DCBLD2: variants seen among roughly 807,000 people sequenced by gnomAD.
DCBLD2 encodes the protein discoidin, CUB and LCCL domain containing 2.
In DCBLD2, 54 loss-of-function variants were observed where a neutral mutation model predicts 86.8. The ratio of observed to expected loss-of-function variants is 0.62; its 90% CI spans 0.50 to 0.78. DCBLD2 has a LOEUF of 0.78. Among genes scored for constraint, DCBLD2 ranks in the 30% least tolerant of loss-of-function variants. The pLI is 0.00. For synonymous variants in DCBLD2, 354 were observed against 341.3 expected, an observed-to-expected ratio of 1.04 and a Z score of -0.41; for missense variants, 908 against 954.2, an observed-to-expected ratio of 0.95 and a Z score of 0.64.
At chr3:98,889,878 G>A (rs1021530098) in intron 1 of DCBLD2, among the ~76,000 whole-genome samples, 2 of 152,010 alleles carry the variant, frequency 1.3e-5, no homozygotes, top group South Asian at 4.1e-4. Flanking sequence ...TGGGGCCTTG[G>A]ATCTGCAGTT....
At chr3:98,859,190 C>A (rs1180192190) in intron 2 of DCBLD2, among the ~76,000 whole-genome samples, 3 of 152,138 alleles carry the variant, frequency 2.0e-5, no homozygotes, top group Non-Finnish European at 4.4e-5. Flanking sequence ...GGGAGCCCAC[C>A]ATTGCTGAGG....
At chr3:98,867,753 T>C (rs1943180574) in intron 2 of DCBLD2, among the ~76,000 whole-genome samples, 1 of 151,840 alleles carries the variant, frequency 6.6e-6, no homozygotes, top group East Asian at 1.9e-4. Flanking sequence ...AAGGGAATCA[T>C]GGAAAAGCAT....
At chr3:98,819,566 G>T in intron 7 of DCBLD2, 149 bp from the exon 8 acceptor site, 1 of 770,018 alleles carries the variant, frequency 1.3e-6, no homozygotes. Context: ...AACTAGGCAA[G>T]TGTTTCTTGG....
chr3:98,842,910 C>T (rs889060989), intron 3 of DCBLD2, among the ~76,000 whole-genome samples: 1 of 152,106 alleles, frequency 6.6e-6, no homozygotes, highest in Admixed American at 6.5e-5. Context: ...CACTGTACAG[C>T]ACAGGACAGC....
At position 98,819,281 on chromosome 3, in the gene DCBLD2, A is replaced by T; in HGVS notation, c.1008T>A (p.Pro336=). 6.2e-7 allele frequency: 1 copy of T among 1,613,424 alleles called. No individual in the cohort carries two copies. The highest frequency in any genetic ancestry group is 8.5e-7 in the Non-Finnish European group (1 of 1,179,656). ...TGGCAAAAGCAGCCCAAGGCGGTCCAGGTTTTTTCAGCCTGGCTTTTTTGG... is the reference window on the plus strand; with the variant it reads ...TGGCAAAAGCAGCCCAAGGCGGTCCTGGTTTTTTCAGCCTGGCTTTTTTGG... ...WKPKKARLKK[P]GPPWAAFATD... The change falls in exon 8 of 16, where the codon CCT becomes CCA. Residue 336 remains proline (P), a synonymous_variant. Coordinates refer to ENST00000326840, the MANE Select transcript of DCBLD2 (RefSeq NM_080927.4).
intron 2 of DCBLD2, among the ~76,000 whole-genome samples, chr3:98,863,592 G>T (rs1377379714): frequency 5.9e-5 from 9 of 152,210 alleles, no homozygotes; most frequent in South Asian, 4.1e-4. Flanking sequence ...TGACAAACCT[G>T]ACAAAAACAA....
chr3:98,817,759 A>G lies in DCBLD2; in HGVS notation c.1212+10T>C. The G allele has an allele frequency of 6.2e-7, 1 of 1,612,462 alleles. No homozygotes were observed. ...AATGTTTTTTAAAAATACCTTGGTAATCATTTTACCTTATCTTGCTCCACA... is the reference window on the plus strand; with the variant it reads ...AATGTTTTTTAAAAATACCTTGGTAGTCATTTTACCTTATCTTGCTCCACA... On this transcript the variant is annotated intron_variant, in intron 9 of 15. Coordinates refer to ENST00000326840, the MANE Select transcript of DCBLD2 (RefSeq NM_080927.4).
At chr3:98,868,633 T>C (rs917524678) in intron 2 of DCBLD2, among the ~76,000 whole-genome samples, 3 of 152,162 alleles carry the variant, frequency 2.0e-5, no homozygotes, top group South Asian at 2.1e-4. Context: ...GAGTCTCCGA[T>C]GTCCATTACA....
intron 9 of DCBLD2, among the ~76,000 whole-genome samples, chr3:98,816,491 G>A (rs1056425531): frequency 6.6e-6 from 1 of 152,144 alleles, no homozygotes; most frequent in Admixed American, 6.6e-5. Flanking sequence ...TTAGGGGCAT[G>A]AGGTAGAAGA....
intron 10 of DCBLD2, 29 bp from the exon 11 acceptor site, chr3:98,811,583 CATTTT>C: frequency 6.5e-7 from 1 of 1,540,700 alleles, no homozygotes; most frequent in Non-Finnish European, 8.7e-7. Flanking sequence ...AAAATTTAAA[CATTTT>C]GTTTTTAAAA....
At chr3:98,804,065 T>A (rs1294326846) in intron 13 of DCBLD2, among the ~76,000 whole-genome samples, 8 of 152,224 alleles carry the variant, frequency 5.3e-5, no homozygotes, top group Non-Finnish European at 7.3e-5. Context: ...CCTCATAAAA[T>A]GAGTTAGGGA....
chr3:98,871,185 G>C (rs541324797), intron 2 of DCBLD2, among the ~76,000 whole-genome samples: 90 of 152,186 alleles, frequency 5.9e-4, no homozygotes, highest in Non-Finnish European at 1.2e-3. Context: ...GGAGATTTTG[G>C]AGGAGTCTTT....
At chr3:98,862,297 G>A (rs765277957) in intron 2 of DCBLD2, among the ~76,000 whole-genome samples, 1 of 152,164 alleles carries the variant, frequency 6.6e-6, no homozygotes, top group Non-Finnish European at 1.5e-5. Flanking sequence ...GGTACAAGGA[G>A]GAGCTGGTAC....
At chr3:98,839,123 CTTT>C (rs1559781398) in intron 3 of DCBLD2, among the ~76,000 whole-genome samples, 11 of 34,284 alleles carry the variant, frequency 3.2e-4, no homozygotes, top group East Asian at 4.1e-3. Flanking sequence ...CTTTCTTTTT[CTTT>C]CTTTCCTTCC....
chr3:98,846,472 CAAG>C (rs1465020612), intron 3 of DCBLD2, among the ~76,000 whole-genome samples: 1 of 152,032 alleles, frequency 6.6e-6, no homozygotes, highest in African/African-American at 2.4e-5. Context: ...AAAAGCCACC[CAAG>C]AAGAAGTAAT....
At position 98,838,148 on chromosome 3, in the gene DCBLD2, C is replaced by G. The variant is rs1942516317; in HGVS notation, c.571+11313G>C. On this transcript the variant is annotated intron_variant, in intron 3 of 15. Transcript: ENST00000326840. ...GGCGGCTGGTCGGGCGGGGGGCTGA[C>G]CCCCCCCACCTCCCTCCCGGACGGG... is the stretch of plus-strand genomic sequence containing the variant. 8.7e-5 allele frequency among the ~76,000 whole-genome samples: 4 copies of G among 46,138 alleles called. No homozygotes were observed. The South Asian group carries it at 3.5e-3, about 40-fold the overall frequency. 30.3% of individuals were successfully genotyped at this position (46,138 alleles called of 152,430 possible).
At chr3:98,838,630 C>G (rs1942536572) in intron 3 of DCBLD2, among the ~76,000 whole-genome samples, 1 of 152,076 alleles carries the variant, frequency 6.6e-6, no homozygotes, top group Admixed American at 6.5e-5. Context: ...ACACTCTTCA[C>G]TTCCCAGACG....
rs971698435 is a variant in DCBLD2, at chr3:98,898,584, G to C, written c.205+2538C>G. ...ACAGTTTATTTCCTTCCAGTCTTAA[G>C]ACTTCTTATAGAGTAAAAACTCTAC... On this transcript the variant is annotated intron_variant, in intron 1 of 15. Transcript: ENST00000326840. 2.0e-5 allele frequency among the ~76,000 whole-genome samples: 3 copies of C among 151,980 alleles called. No individual in the cohort carries two copies. The South Asian group carries it at 6.2e-4, about 32-fold the overall frequency.
At chr3:98,891,289 G>A (rs1375440277) in intron 1 of DCBLD2, among the ~76,000 whole-genome samples, 2 of 151,896 alleles carry the variant, frequency 1.3e-5, no homozygotes, top group African/African-American at 4.8e-5. Flanking sequence ...AAATCCTGGT[G>A]AATGAGAGAA....
Sources: gnomAD v4.1 joint callset for allele counts (sites outside exome capture counted in the v4.1 genomes callset) on GRCh38, gnomAD v4.1.1 for gene constraint, MANE v1.5 for transcripts, NCBI Gene and HGNC (gene_info 2026-07-23, HGNC 2026-07-21) for gene names.